Variants in RSRC1 observed in about 807,000 individuals in gnomAD.
RSRC1 encodes serine/Arginine-related protein 53.
In RSRC1, 39 loss-of-function variants were observed where a neutral mutation model predicts 49.1. That is an observed-to-expected ratio of 0.79 (90% CI 0.61 to 1.04). RSRC1 has a LOEUF of 1.04. RSRC1 is among the 50% of genes least tolerant of loss of function. The probability of loss-of-function intolerance (pLI) is 0.00; values close to 1 mark genes in which losing one functional copy is unlikely to be tolerated. For missense variants in RSRC1, 388 were observed against 402.4 expected (o/e 0.96, Z 0.31); for synonymous variants, 143 against 130.8 (o/e 1.09, Z -0.63).
At chr3:158,362,783 A>T (rs549150880) in intron 6 of RSRC1, among the ~76,000 whole-genome samples, 2 of 152,278 alleles carry the variant, frequency 1.3e-5, no homozygotes, top group East Asian at 3.9e-4. Flanking sequence ...TTCTGCAAAA[A>T]CGTATTATCA....
At chr3:158,445,316 A>G (rs1398048237) in intron 6 of RSRC1, among the ~76,000 whole-genome samples, 2 of 152,296 alleles carry the variant, frequency 1.3e-5, no homozygotes, top group African/African-American at 2.4e-5. Context: ...ATGAAATACT[A>G]TGCAGCCATA....
At chr3:158,218,865 G>T (rs1238248406) in intron 4 of RSRC1, among the ~76,000 whole-genome samples, 2 of 151,634 alleles carry the variant, frequency 1.3e-5, no homozygotes, top group Non-Finnish European at 3.0e-5. Flanking sequence ...GTTAAAATGT[G>T]TCTGGCACTA....
At position 158,522,663 on chromosome 3, in the gene RSRC1, T is replaced by C. The variant is rs916098417; in HGVS notation, c.653-14429T>C. ...AGTTTAGTATACTTATGTATATTAC[T>C]TCTTAAATAATGGTTTGAGGAGTGC... On this transcript the variant is annotated intron_variant, in intron 7 of 9. Transcript: ENST00000611884. 2.6e-5 allele frequency among the ~76,000 whole-genome samples: 4 copies of C among 152,172 alleles called. No individual in the cohort carries two copies. The South Asian group carries it at 8.3e-4, about 31-fold the overall frequency.
At chr3:158,262,636 G>A (rs1472303804) in intron 4 of RSRC1, among the ~76,000 whole-genome samples, 4 of 152,070 alleles carry the variant, frequency 2.6e-5, no homozygotes, top group African/African-American at 9.7e-5. Context: ...AATTGAGTCT[G>A]TAGATCAGTT....
chr3:158,377,075 C>G (rs1732416562), intron 6 of RSRC1, among the ~76,000 whole-genome samples: 1 of 152,096 alleles, frequency 6.6e-6, no homozygotes, highest in Non-Finnish European at 1.5e-5. Flanking sequence ...AAAGTTTAGT[C>G]ATTGAAGTCA....
At chr3:158,151,751 A>G (rs1717550132) in intron 3 of RSRC1, among the ~76,000 whole-genome samples, 1 of 152,166 alleles carries the variant, frequency 6.6e-6, no homozygotes, top group South Asian at 2.1e-4. Context: ...TAGGCATGCA[A>G]AAAGTTCTGG....
intron 3 of RSRC1, among the ~76,000 whole-genome samples, chr3:158,166,617 C>T (rs1718555816): frequency 6.6e-6 from 1 of 152,046 alleles, no homozygotes; most frequent in South Asian, 2.1e-4. Flanking sequence ...GTATTTAGTT[C>T]CCTTAACAAG....
In RSRC1 at chr3:158,539,435, T is replaced by C. The variant is rs981013991; in HGVS notation, c.759+2237T>C. Among the ~76,000 whole-genome samples the C allele has an allele frequency of 2.0e-5, 3 of 152,090 alleles. No homozygotes were observed. Among genetic ancestry groups the C allele is most frequent in the African/African-American group, 4.8e-5 (2 of 41,442 alleles). On this transcript the variant is annotated intron_variant, in intron 8 of 9. Coordinates refer to ENST00000611884, the MANE Select transcript of RSRC1 (RefSeq NM_001271838.2). The surrounding 1 kb of genome is among the most constrained non-coding windows in gnomAD (Gnocchi z 4.1). The stretch of plus-strand genomic sequence containing the variant: ...GAATCTGATAGTCCCTGATATATCA[T>C]TGAGGAACCAAGATGCAGCTTGTTT...
chr3:158,335,571 G>C (rs1475120866), intron 5 of RSRC1, among the ~76,000 whole-genome samples: 1 of 152,174 alleles, frequency 6.6e-6, no homozygotes, highest in African/African-American at 2.4e-5. Context: ...GCCTTGCTTT[G>C]TGAAGATAAC....
intron 4 of RSRC1, among the ~76,000 whole-genome samples, chr3:158,212,883 G>T (rs1393721792): frequency 1.3e-5 from 2 of 151,930 alleles, no homozygotes; most frequent in Non-Finnish European, 2.9e-5. Flanking sequence ...TGATATGAAT[G>T]ATGCTAAACC....
chr3:158,140,936 T>C (rs1343256492), intron 3 of RSRC1, among the ~76,000 whole-genome samples: 1 of 152,182 alleles, frequency 6.6e-6, no homozygotes, highest in Non-Finnish European at 1.5e-5. Flanking sequence ...TTGAGGAATA[T>C]TGACTATGGA....
intron 6 of RSRC1, among the ~76,000 whole-genome samples, chr3:158,422,126 C>T (rs942437266): frequency 4.2e-4 from 63 of 151,158 alleles, no homozygotes; most frequent in African/African-American, 1.3e-3. Context: ...GCACAATGTG[C>T]AGGTTAGTTA....
intron 4 of RSRC1, among the ~76,000 whole-genome samples, chr3:158,249,622 A>G (rs1028648206): frequency 7.9e-5 from 12 of 152,050 alleles, no homozygotes; most frequent in African/African-American, 2.9e-4. Context: ...ATTTCTTTTG[A>G]CAGTAGAATG....
chr3:158,363,454 G>A (rs12053861), intron 6 of RSRC1, among the ~76,000 whole-genome samples: 33,345 of 151,782 alleles, frequency 0.22, 4,261 homozygotes, highest in Non-Finnish European at 0.29. Flanking sequence ...TGGTGGAGAC[G>A]GGGTTTTACC....
chr3:158,412,360 G>A (rs775606258), intron 6 of RSRC1, among the ~76,000 whole-genome samples: 63 of 152,178 alleles, frequency 4.1e-4, no homozygotes, highest in Non-Finnish European at 8.1e-4. Context: ...CATAAAAATA[G>A]TTTAAATGAT....
chr3:158,307,854 T>C (rs1727921335), intron 5 of RSRC1, among the ~76,000 whole-genome samples: 1 of 151,958 alleles, frequency 6.6e-6, no homozygotes, highest in Non-Finnish European at 1.5e-5. Flanking sequence ...ACCTACCAGA[T>C]TTAACAGATG....
At chr3:158,536,615 G>A (rs1189878057) in intron 7 of RSRC1, among the ~76,000 whole-genome samples, 1 of 151,468 alleles carries the variant, frequency 6.6e-6, no homozygotes, top group African/African-American at 2.4e-5. Context: ...ATCTGTTGGA[G>A]ATGCCTACTA....
chr3:158,464,823 G>A (rs1361621061), intron 7 of RSRC1, among the ~76,000 whole-genome samples: 1 of 152,016 alleles, frequency 6.6e-6, no homozygotes, highest in East Asian at 1.9e-4. Flanking sequence ...AGGGAGGATA[G>A]GAAACAAAGG....
intron 3 of RSRC1, 100 bp from the exon 4 acceptor site, chr3:158,202,972 C>A: frequency 1.1e-6 from 1 of 891,834 alleles, no homozygotes; most frequent in Non-Finnish European, 1.7e-6. Flanking sequence ...GAGTCCACAA[C>A]TAAAACTAAG....
Sources: gnomAD v4.1 joint callset for allele counts (sites outside exome capture counted in the v4.1 genomes callset) on GRCh38, gnomAD v4.1.1 for gene constraint, Gnocchi (gnomAD v3.1) non-coding constraint, MANE v1.5 for transcripts, NCBI Gene and HGNC (gene_info 2026-07-23, HGNC 2026-07-21) for gene names.